The following INSYN2B variants were observed in gnomAD, a reference collection of about 807,000 sequenced individuals.
The protein encoded by INSYN2B is protein INSYN2B.
In INSYN2B, 16 loss-of-function variants were observed where a neutral mutation model predicts 41.2. The ratio of observed to expected loss-of-function variants is 0.39; its 90% CI spans 0.26 to 0.59. INSYN2B has a LOEUF of 0.59. INSYN2B is among the 20% of genes least tolerant of loss of function. The pLI is 0.57. For missense variants in INSYN2B, 608 were observed against 646.4 expected (o/e 0.94, Z 0.64); for synonymous variants, 245 against 244.4 (o/e 1.00, Z -0.02).
chr5:169,940,066 T>G (rs1486092158), intron 1 of INSYN2B, among the ~76,000 whole-genome samples: 2 of 152,214 alleles, frequency 1.3e-5, no homozygotes, highest in Non-Finnish European at 1.5e-5. Flanking sequence ...TCTAGAGCCC[T>G]GGTGACGGCT....
chr5:169,902,371 A>G (rs1454775977), intron 1 of INSYN2B, among the ~76,000 whole-genome samples: 1 of 152,208 alleles, frequency 6.6e-6, no homozygotes, highest in African/African-American at 2.4e-5. Context: ...CATTTTAGAA[A>G]GCTGAGGCAC....
chr5:169,967,305 A>G (rs1248322330), intron 1 of INSYN2B, among the ~76,000 whole-genome samples: 2 of 152,208 alleles, frequency 1.3e-5, no homozygotes, highest in Non-Finnish European at 2.9e-5. Context: ...CCTGAAGTTC[A>G]GTAGAGGTGA....
chr5:169,894,261 A>G (rs1561802541), intron 1 of INSYN2B, among the ~76,000 whole-genome samples: 1 of 152,242 alleles, frequency 6.6e-6, no homozygotes. Flanking sequence ...TGGCAGGACC[A>G]AAAGGACAGC....
chr5:169,957,111 G>C (rs868045762), intron 1 of INSYN2B, among the ~76,000 whole-genome samples: 1 of 152,092 alleles, frequency 6.6e-6, no homozygotes, highest in South Asian at 2.1e-4. Context: ...GCAGTAATAA[G>C]ACTGTCAGTG....
intron 1 of INSYN2B, among the ~76,000 whole-genome samples, chr5:169,967,446 G>A (rs1777343878): frequency 6.6e-6 from 1 of 152,174 alleles, no homozygotes; most frequent in South Asian, 2.1e-4. Context: ...TGTGCAGGTT[G>A]GAGGGGAATT....
At chr5:169,865,830 C>G (rs966391457) in intron 3 of INSYN2B, among the ~76,000 whole-genome samples, 1 of 152,230 alleles carries the variant, frequency 6.6e-6, no homozygotes, top group African/African-American at 2.4e-5. Flanking sequence ...GCCTTTATAC[C>G]CAGCAAGGGC....
At chr5:169,955,514 G>C (rs751852149) in intron 1 of INSYN2B, among the ~76,000 whole-genome samples, 5 of 152,170 alleles carry the variant, frequency 3.3e-5, no homozygotes, top group Non-Finnish European at 5.9e-5. Context: ...TTATACCTTT[G>C]AATTGGATGA....
At chr5:169,944,402 C>T (rs369579313) in intron 1 of INSYN2B, among the ~76,000 whole-genome samples, 8 of 152,296 alleles carry the variant, frequency 5.3e-5, no homozygotes, top group African/African-American at 1.4e-4. Flanking sequence ...ACGTGGCAGC[C>T]GTGGCCTTCT....
At chr5:169,915,466 C>G (rs909358920) in intron 1 of INSYN2B, among the ~76,000 whole-genome samples, 15 of 151,600 alleles carry the variant, frequency 9.9e-5, no homozygotes, top group African/African-American at 3.6e-4. Context: ...GGTCATGTAA[C>G]TAATATATTG....
chr5:169,862,839 C>T lies in INSYN2B; in HGVS notation c.*1434G>A, dbSNP rs564898613. On this transcript the variant is annotated 3_prime_UTR_variant, in exon 4 of 4. Coordinates refer to ENST00000377365, the MANE Select transcript of INSYN2B (RefSeq NM_001129891.3). The stretch of plus-strand genomic sequence containing the variant: ...TTTGCAGTGGGGTAGGTACATCCCA[C>T]GAACACACAGGATTCTGTGCTCTGC... 3.3e-5 allele frequency among the ~76,000 whole-genome samples: 5 copies of T among 152,330 alleles called. No individual in the cohort carries two copies. The highest frequency in any genetic ancestry group is 7.2e-5 in the African/African-American group (3 of 41,580).
intron 1 of INSYN2B, among the ~76,000 whole-genome samples, chr5:169,979,471 A>G (rs773304354): frequency 3.9e-5 from 6 of 152,222 alleles, no homozygotes; most frequent in Non-Finnish European, 7.3e-5. Flanking sequence ...CTGTATGACA[A>G]AAGAGGTGGT....
chr5:169,885,316 T>C (rs1291762156), intron 1 of INSYN2B, among the ~76,000 whole-genome samples: 1 of 152,226 alleles, frequency 6.6e-6, no homozygotes, highest in Non-Finnish European at 1.5e-5. Context: ...TTCCTAGCCC[T>C]CTTTCTGGCT....
chr5:169,894,351 C>T lies in INSYN2B; in HGVS notation c.-918-9535G>A, dbSNP rs138037261. On this transcript the variant is annotated intron_variant, in intron 1 of 3. Coordinates refer to ENST00000377365, the MANE Select transcript of INSYN2B (RefSeq NM_001129891.3). ...CTCTTAGAGGTGCCTTGGGTGGGGG[C>T]TGGCAGGATTGGCCCACAGCATGAC... Among the ~76,000 whole-genome samples the T allele has an allele frequency of 2.4e-3, 373 of 152,262 alleles. 2 individuals carry two copies. Among genetic ancestry groups the T allele is most frequent in the African/African-American group, 8.5e-3 (353 of 41,556 alleles).
At position 169,923,349 on chromosome 5, in the gene INSYN2B, T is replaced by C. The variant is rs1469262297; in HGVS notation, c.-918-38533A>G. Among the ~76,000 whole-genome samples the C allele has an allele frequency of 2.6e-5, 4 of 152,270 alleles. No homozygotes were observed. The East Asian group carries it at 7.7e-4, about 29-fold the overall frequency. On this transcript the variant is annotated intron_variant, in intron 1 of 3. Coordinates refer to ENST00000377365, the MANE Select transcript of INSYN2B (RefSeq NM_001129891.3). ...ATTTCCTACAATATTTATGTGTTAC[T>C]TTCCTAATAATGAAGGGGCATACGC...
intron 3 of INSYN2B, among the ~76,000 whole-genome samples, chr5:169,876,907 A>G (rs1772367564): frequency 6.6e-6 from 1 of 152,180 alleles, no homozygotes; most frequent in Admixed American, 6.5e-5. Context: ...ACTGAGCACC[A>G]AGTATGTATG....
In INSYN2B at chr5:169,912,891, T is replaced by C. The variant is rs1774686325; in HGVS notation, c.-918-28075A>G. On this transcript the variant is annotated intron_variant, in intron 1 of 3. Coordinates refer to ENST00000377365, the MANE Select transcript of INSYN2B (RefSeq NM_001129891.3). ...GAATAGATTACTTAATTAGCATTTA[T>C]TGTTTGTAAAATTCCTTGTCTAGAA... Among the ~76,000 whole-genome samples, 4 of 152,180 alleles carry C rather than the reference T, an allele frequency of 2.6e-5. 1 individual carries two copies. The South Asian group carries it at 8.3e-4, about 31-fold the overall frequency.
chr5:169,938,776 CTT>C (rs763860491), intron 1 of INSYN2B, among the ~76,000 whole-genome samples: 20 of 152,118 alleles, frequency 1.3e-4, no homozygotes, highest in Non-Finnish European at 2.5e-4. Context: ...ACTTTACAAA[CTT>C]TTCATTTTTT....
At chr5:169,957,394 C>T (rs943914185) in intron 1 of INSYN2B, among the ~76,000 whole-genome samples, 6 of 152,160 alleles carry the variant, frequency 3.9e-5, no homozygotes, top group African/African-American at 1.2e-4. Flanking sequence ...TTGTTTAGAA[C>T]GTAATAGGCA....
intron 1 of INSYN2B, among the ~76,000 whole-genome samples, chr5:169,903,705 G>T: frequency 6.6e-6 from 1 of 152,124 alleles, no homozygotes; most frequent in East Asian, 1.9e-4. Context: ...GGGGCAGGGG[G>T]AGAAAAGAAG....
Sources: allele counts gnomAD v4.1 joint callset (sites outside exome capture counted in the v4.1 genomes callset), GRCh38; gene constraint gnomAD v4.1.1; transcripts MANE v1.5; gene names NCBI Gene and HGNC (gene_info 2026-07-23, HGNC 2026-07-21).